Variants in EPHA8 observed in about 807,000 individuals in gnomAD.
EPHA8 encodes the protein EPH receptor A8, also known as ephrin type-A receptor 8.
EPHA8 carries 58 observed loss-of-function variants against 103.6 expected under a neutral mutation model. That is an observed-to-expected ratio of 0.56 (90% CI 0.45 to 0.70). The LOEUF (loss-of-function observed/expected upper bound fraction) is 0.70. EPHA8 is among the 30% of genes least tolerant of loss of function. The pLI is 0.00. For missense variants in EPHA8, 1,304 were observed against 1,395.2 expected (o/e 0.93, Z 1.04); for synonymous variants, 559 against 572.5 (o/e 0.98, Z 0.34).
intron 4 of EPHA8, among the ~76,000 whole-genome samples, chr1:22,587,076 T>TA (rs770484319): frequency 2.0e-5 from 3 of 152,222 alleles, no homozygotes; most frequent in East Asian, 3.9e-4. Flanking sequence ...GCCTTACATG[T>TA]GTATGGTGTG....
At chr1:22,578,103 T>TGTGC in intron 3 of EPHA8, among the ~76,000 whole-genome samples, 3 of 29,426 alleles carry the variant, frequency 1.0e-4, no homozygotes, top group African/African-American at 2.0e-4. Context: ...AGCGTCAGTG[T>TGTGC]ATGCATGTGT....
At chr1:22,573,440 A>G (rs529788340) in intron 2 of EPHA8, among the ~76,000 whole-genome samples, 118 of 152,248 alleles carry the variant, frequency 7.8e-4, no homozygotes, top group African/African-American at 2.7e-3. Flanking sequence ...GATTAGATGG[A>G]GGGGCTTGGG....
chr1:22,588,547 C>T (rs1465498006), intron 4 of EPHA8, among the ~76,000 whole-genome samples: 1 of 151,566 alleles, frequency 6.6e-6, no homozygotes, highest in Non-Finnish European at 1.5e-5. Flanking sequence ...TGTGGGCACC[C>T]CCGGGACTGT....
chr1:22,578,266 G>T (rs1374742345), intron 3 of EPHA8, among the ~76,000 whole-genome samples: 2 of 150,072 alleles, frequency 1.3e-5, no homozygotes, highest in African/African-American at 4.9e-5. Context: ...ATACCCGTGT[G>T]TGCATGAGTG....
chr1:22,581,761 A>G (rs2148241994), intron 3 of EPHA8, among the ~76,000 whole-genome samples: 1 of 152,378 alleles, frequency 6.6e-6, no homozygotes, highest in South Asian at 2.1e-4. Flanking sequence ...AATACAACGT[A>G]ATTATGCCAG....
At chr1:22,595,063 G>A (rs973676518) in intron 7 of EPHA8, among the ~76,000 whole-genome samples, 167 bp from the exon 8 acceptor site, 7 of 152,164 alleles carry the variant, frequency 4.6e-5, no homozygotes, top group Non-Finnish European at 1.0e-4. Flanking sequence ...GGGTGGGGTG[G>A]GAACAGAGGA....
chr1:22,584,733 G>A (rs1002893042), intron 3 of EPHA8, among the ~76,000 whole-genome samples: 2 of 152,146 alleles, frequency 1.3e-5, no homozygotes, highest in African/African-American at 4.8e-5. Context: ...TGGCTGGGTG[G>A]CATTTGGCCC....
Position 22,567,485 on chromosome 1 carries a change from C to T in EPHA8, c.95-1804C>T, listed in dbSNP as rs574981676. Among the ~76,000 whole-genome samples the T allele has an allele frequency of 1.1e-4, 16 of 152,198 alleles. No individual in the cohort carries two copies. The highest frequency in any genetic ancestry group is 2.9e-4 in the African/African-American group (12 of 41,534). ...GCTTGGGGAGGGGGAGGTCCCTCTG[C>T]GGACATTCGCTGTGTCCCCTGATCC... On this transcript the variant is annotated intron_variant, in intron 1 of 16. Transcript: ENST00000166244. The surrounding 1 kb of genome is among the most constrained non-coding windows in gnomAD (Gnocchi z 4.2).
chr1:22,581,334 G>T (rs906275769), intron 3 of EPHA8, among the ~76,000 whole-genome samples: 1 of 152,194 alleles, frequency 6.6e-6, no homozygotes, highest in African/African-American at 2.4e-5. Flanking sequence ...CGGTGCATAC[G>T]CACTCAGGGT....
At chr1:22,581,363 C>T (rs1308638614) in intron 3 of EPHA8, among the ~76,000 whole-genome samples, 1 of 152,240 alleles carries the variant, frequency 6.6e-6, no homozygotes, top group African/African-American at 2.4e-5. Context: ...GTCCCCAAGT[C>T]TGGATTTAGC....
In EPHA8 at chr1:22,584,549, G is replaced by A. The variant is rs58733927; in HGVS notation, c.824-1931G>A. Among the ~76,000 whole-genome samples the A allele has an allele frequency of 7.2e-5, 11 of 152,292 alleles. No individual in the cohort carries two copies. The East Asian group carries it at 1.7e-3, about 24-fold the overall frequency. ...TTTAGCTTTTGTAATAAAGAGATAC[G>A]ATCAACATCCAGAGAAGAAATGCTC... On this transcript the variant is annotated intron_variant, in intron 3 of 16. Coordinates refer to ENST00000166244, the MANE Select transcript of EPHA8 (RefSeq NM_020526.5).
At position 22,586,568 on chromosome 1, in the gene EPHA8, C is replaced by A; in HGVS notation, c.912C>A (p.Ala304=). The change falls in exon 4 of 17, where the codon GCC becomes GCA. Residue 304 remains alanine (A), a synonymous_variant. Coordinates refer to ENST00000166244, the MANE Select transcript of EPHA8 (RefSeq NM_020526.5). ...ACAGCCACTCCGCAGCTCCAGCCGCCCAAGCCTGCCACTGTGACCTCAGCT... is the reference window on the plus strand; with the variant it reads ...ACAGCCACTCCGCAGCTCCAGCCGCACAAGCCTGCCACTGTGACCTCAGCT... ...PPHSHSAAPA[A]QACHCDLSYY... 4.3e-6 allele frequency: 7 copies of A among 1,613,922 alleles called. No individual in the cohort carries two copies. Among genetic ancestry groups the A allele is most frequent in the Non-Finnish European group, 5.9e-6 (7 of 1,179,998 alleles).
intron 3 of EPHA8, among the ~76,000 whole-genome samples, chr1:22,577,737 A>C (rs1402905568): frequency 1.3e-5 from 2 of 150,570 alleles, no homozygotes; most frequent in East Asian, 4.0e-4. Context: ...AGGCATGCAG[A>C]CGAGGGAGCC....
At chr1:22,583,478 G>T (rs1361899445) in intron 3 of EPHA8, among the ~76,000 whole-genome samples, 2 of 152,126 alleles carry the variant, frequency 1.3e-5, no homozygotes, top group African/African-American at 4.8e-5. Flanking sequence ...AGCTCCAGAG[G>T]CTCCCCCGCC....
rs968752327 is a variant in EPHA8, at chr1:22,569,134, G to T, written c.95-155G>T. On this transcript the variant is annotated intron_variant, in intron 1 of 16. Transcript: ENST00000166244. The surrounding 1 kb of genome is among the most constrained non-coding windows in gnomAD (Gnocchi z 4.5). ...AAAGAACTTAAACTGGGCCTTCAAG[G>T]AGAGGGGAAGAGAGAAAGGGCATTC... Among the ~76,000 whole-genome samples, 1 of 152,182 alleles carries T rather than the reference G, an allele frequency of 6.6e-6. No individual in the cohort carries two copies. The highest frequency in any genetic ancestry group is 1.5e-5 in the Non-Finnish European group (1 of 68,038).
At chr1:22,586,110 T>C (rs1181453117) in intron 3 of EPHA8, among the ~76,000 whole-genome samples, 1 of 151,978 alleles carries the variant, frequency 6.6e-6, no homozygotes, top group Non-Finnish European at 1.5e-5. Flanking sequence ...CAGTGTCCCA[T>C]AAAAGAGAGA....
chr1:22,586,439 T>A (rs1466976929), intron 3 of EPHA8, 41 bp from the exon 4 acceptor site: 1 of 1,602,128 alleles, frequency 6.2e-7, no homozygotes, highest in Non-Finnish European at 8.5e-7. Flanking sequence ...CCAGCCAGGG[T>A]GGCCCTGCTG....
chr1:22,579,379 ATGTGTGCAC>A (rs1225373681), intron 3 of EPHA8, among the ~76,000 whole-genome samples: 1 of 146,408 alleles, frequency 6.8e-6, no homozygotes, highest in African/African-American at 2.6e-5. Flanking sequence ...GCATGAGTGT[ATGTGTGCAC>A]TGTGTGCATG....
At chr1:22,590,726 G>C (rs918597028) in intron 5 of EPHA8, among the ~76,000 whole-genome samples, 1 of 151,332 alleles carries the variant, frequency 6.6e-6, no homozygotes. Context: ...TTTTCTGGGC[G>C]GCTGTTTCAG....
Sources: allele counts gnomAD v4.1 joint callset (sites outside exome capture counted in the v4.1 genomes callset), GRCh38; gene constraint gnomAD v4.1.1; non-coding constraint Gnocchi (gnomAD v3.1); transcripts MANE v1.5; gene names NCBI Gene and HGNC (gene_info 2026-07-23, HGNC 2026-07-21).